Variants in MIAT observed in about 807,000 individuals in gnomAD.
The protein encoded by MIAT is myocardial infarction associated transcript, also known as MI related novel mRNA.
At chr22:26,658,855 G>A (rs538055907) in intron 2 of MIAT, among the ~76,000 whole-genome samples, 9 of 152,356 alleles carry the variant, frequency 5.9e-5, no homozygotes, top group Admixed American at 1.3e-4. Flanking sequence ...GGGCCAGGCT[G>A]GGACTGAGCA....
At chr22:26,661,304 A>C (rs1363478167) in intron 2 of MIAT, among the ~76,000 whole-genome samples, 6 of 152,172 alleles carry the variant, frequency 3.9e-5, no homozygotes, top group African/African-American at 1.2e-4. Flanking sequence ...GCAGAGGTGA[A>C]GTCTGGCTAA....
At chr22:26,670,795 G>C, downstream of MIAT, 1 of 398,516 alleles carries the variant, frequency 2.5e-6, no homozygotes. Flanking sequence ...GTTTAGAACT[G>C]TGGGAGATGC....
At chr22:26,660,285 A>T (rs1359862183) in intron 2 of MIAT, among the ~76,000 whole-genome samples, 4 of 151,742 alleles carry the variant, frequency 2.6e-5, no homozygotes. Flanking sequence ...CAGCCTGGTC[A>T]ACATGGCGAA....
downstream of MIAT, chr22:26,673,020 T>G (rs1602374972): frequency 5.0e-6 from 2 of 398,556 alleles, no homozygotes; most frequent in Non-Finnish European, 8.8e-6. Context: ...CCGGAAGTCC[T>G]TGGGAAAGAT....
intron 2 of MIAT, chr22:26,657,485 C>G: frequency 5.0e-6 from 2 of 398,670 alleles, no homozygotes; most frequent in Non-Finnish European, 8.8e-6. Flanking sequence ...GCTGCAGCAG[C>G]TACAAAGACG....
chr22:26,666,813 T>G (rs1930862395), exon 4 of MIAT: 1 of 398,742 alleles, frequency 2.5e-6, no homozygotes, highest in Admixed American at 4.4e-5. Flanking sequence ...GGAGGGGGCC[T>G]GGGTGCAGTT....
downstream of MIAT, chr22:26,672,464 T>TC: frequency 2.5e-6 from 1 of 399,398 alleles, no homozygotes; most frequent in East Asian, 3.6e-5. Context: ...ATGACATCTC[T>TC]CCTATGTGCA....
At chr22:26,654,376 T>C (rs1259002417) in intron 2 of MIAT, among the ~76,000 whole-genome samples, 2 of 152,186 alleles carry the variant, frequency 1.3e-5, no homozygotes, top group Non-Finnish European at 2.9e-5. Context: ...TCCAAGTAGA[T>C]ATTGGAAATG....
intron 2 of MIAT, among the ~76,000 whole-genome samples, chr22:26,649,713 G>A (rs556185122): frequency 1.6e-3 from 248 of 152,352 alleles, no homozygotes; most frequent in Non-Finnish European, 3.2e-3. Context: ...AAGAGATTGA[G>A]ACTATCCTGG....
intron 2 of MIAT, among the ~76,000 whole-genome samples, chr22:26,648,414 G>C (rs900878968): frequency 6.6e-6 from 1 of 152,182 alleles, no homozygotes; most frequent in Non-Finnish European, 1.5e-5. Flanking sequence ...GAGGTGCATG[G>C]AGCAGGGAGC....
chr22:26,659,253 C>T (rs1272656077), intron 2 of MIAT, among the ~76,000 whole-genome samples: 1 of 152,110 alleles, frequency 6.6e-6, no homozygotes, highest in African/African-American at 2.4e-5. Context: ...AAACCATTTC[C>T]GGACACTTTG....
At chr22:26,672,959 G>T, downstream of MIAT, 1 of 398,630 alleles carries the variant, frequency 2.5e-6, no homozygotes, top group Non-Finnish European at 4.4e-6. Flanking sequence ...TCCCCTCTCT[G>T]GAGCCGAGAG....
At chr22:26,665,566 G>A (rs1187903011) in exon 4 of MIAT, 1 of 398,644 alleles carries the variant, frequency 2.5e-6, no homozygotes, top group Non-Finnish European at 4.4e-6. Context: ...GAGACAGAAG[G>A]GAATTTCCAG....
At chr22:26,662,095 C>T (rs1470670057) in intron 2 of MIAT, among the ~76,000 whole-genome samples, 2 of 151,602 alleles carry the variant, frequency 1.3e-5, no homozygotes, top group Non-Finnish European at 2.9e-5. Context: ...TAGCCACAGG[C>T]ACAGGTACAC....
chr22:26,666,016 T>C (rs1930833149), exon 4 of MIAT: 2 of 398,564 alleles, frequency 5.0e-6, no homozygotes, highest in African/African-American at 2.1e-5. Flanking sequence ...CAGGGCTCCT[T>C]GGCCTTAGAG....
At chr22:26,670,168 T>C, downstream of MIAT, 1 of 398,162 alleles carries the variant, frequency 2.5e-6, no homozygotes, top group Admixed American at 4.4e-5. Flanking sequence ...TTTAATCAGC[T>C]TGGGGAGGTG....
At chr22:26,646,497 T>A (rs1264800378) in exon 1 of MIAT, 5 of 398,800 alleles carry the variant, frequency 1.3e-5, no homozygotes, top group Non-Finnish European at 2.2e-5. Flanking sequence ...AGGTGGAAGA[T>A]GATGGGAGCC....
At chr22:26,660,330 A>G (rs1441629909) in intron 2 of MIAT, among the ~76,000 whole-genome samples, 2 of 151,520 alleles carry the variant, frequency 1.3e-5, no homozygotes, top group African/African-American at 2.4e-5. Context: ...AATTAACTGC[A>G]TGGTGGCATG....
exon 6 of MIAT, chr22:26,669,583 A>T: frequency 2.5e-6 from 1 of 398,724 alleles, no homozygotes; most frequent in Non-Finnish European, 4.4e-6. Context: ...AAACAGTCAC[A>T]TAGCAGGCTA....
Sources: gnomAD v4.1 joint callset for allele counts (sites outside exome capture counted in the v4.1 genomes callset) on GRCh38, gnomAD v4.1.1 for gene constraint, MANE v1.5 for transcripts, NCBI Gene and HGNC (gene_info 2026-07-23, HGNC 2026-07-21) for gene names.